Variants in RIMKLB observed in about 807,000 individuals in gnomAD.
The protein encoded by RIMKLB is beta-citrylglutamate synthase B.
In RIMKLB, 7 loss-of-function variants were observed where a neutral mutation model predicts 32.0. The ratio of observed to expected loss-of-function variants is 0.22; its 90% confidence interval spans 0.12 to 0.41. The LOEUF (loss-of-function observed/expected upper bound fraction) is 0.41, where lower values mean the gene tolerates loss of function less well. Ranked by LOEUF, RIMKLB falls within the 10% of genes least tolerant of loss-of-function variation. RIMKLB has a pLI of 1.00. For missense variants in RIMKLB, 289 were observed against 498.7 expected (o/e 0.58, Z 4.00); for synonymous variants, 172 against 185.1 (o/e 0.93, Z 0.57).
intron 2 of RIMKLB, among the ~76,000 whole-genome samples, chr12:8,736,322 A>G (rs1018434387): frequency 2.6e-5 from 4 of 152,182 alleles, no homozygotes; most frequent in Non-Finnish European, 5.9e-5. Flanking sequence ...TCTTTTAAGA[A>G]CTTTTTATTT....
At chr12:8,717,881 G>A (rs1286069987) in intron 2 of RIMKLB, among the ~76,000 whole-genome samples, 2 of 151,924 alleles carry the variant, frequency 1.3e-5, no homozygotes, top group Non-Finnish European at 1.5e-5. Context: ...TATCTTCATC[G>A]GTTAAAAACT....
intron 1 of RIMKLB, among the ~76,000 whole-genome samples, chr12:8,711,522 C>CT (rs11318157): frequency 1.0e-3 from 150 of 148,066 alleles, no homozygotes; most frequent in Admixed American, 2.0e-3. Flanking sequence ...TGATTACAAA[C>CT]TTTTTTTTTT....
At chr12:8,682,430 G>T (rs778497556) in intron 1 of RIMKLB, among the ~76,000 whole-genome samples, 2 of 152,260 alleles carry the variant, frequency 1.3e-5, no homozygotes, top group Admixed American at 6.5e-5. Flanking sequence ...CAGGCACTGC[G>T]TTGAGTACTG....
At chr12:8,685,373 T>G (rs1207577988) in intron 1 of RIMKLB, among the ~76,000 whole-genome samples, 2 of 152,198 alleles carry the variant, frequency 1.3e-5, no homozygotes, top group Admixed American at 1.3e-4. Flanking sequence ...AGAGGTTTCT[T>G]TGTTGTTTTG....
At chr12:8,708,498 T>A (rs1196953343) in intron 1 of RIMKLB, among the ~76,000 whole-genome samples, 1 of 152,222 alleles carries the variant, frequency 6.6e-6, no homozygotes, top group Non-Finnish European at 1.5e-5. Flanking sequence ...TAATGTATTT[T>A]GAGATTTTGA....
Position 8,775,549 on chromosome 12 carries a change from CTTAAACA to C in RIMKLB, c.*1767_*1773del. On this transcript the variant is annotated 3_prime_UTR_variant, in exon 6 of 6. Transcript: ENST00000535829. ...CAGTGCTATTTTCCTTCAGATGGAC[CTTAAACA>C]TAATTTCTTGGACACTACTAGAGAG... 1.0e-6 allele frequency: 1 copy of C among 985,736 alleles called. No individual in the cohort carries two copies. The highest frequency in any genetic ancestry group is 1.2e-6 in the Non-Finnish European group (1 of 829,888). The allele number at this position is 985,736 out of a possible 1,614,324, so 61.1% of individuals were successfully genotyped here. A position where few individuals can be genotyped will look rare whatever the true frequency, so the allele number is the denominator to read the frequency against.
chr12:8,693,370 T>C (rs1002929765), upstream of RIMKLB, among the ~76,000 whole-genome samples: 1 of 151,740 alleles, frequency 6.6e-6, no homozygotes, highest in Non-Finnish European at 1.5e-5. Context: ...TGCTTTGTAC[T>C]GCAATTTGTT....
chr12:8,689,383 A>G (rs2136564063), intron 1 of RIMKLB, among the ~76,000 whole-genome samples: 1 of 152,370 alleles, frequency 6.6e-6, no homozygotes, highest in East Asian at 1.9e-4. Context: ...TGTTGCCAAA[A>G]CATTGTAACT....
chr12:8,769,592 T>A (rs1295246704), intron 5 of RIMKLB, among the ~76,000 whole-genome samples: 1 of 152,180 alleles, frequency 6.6e-6, no homozygotes. Context: ...TCTTTTCTAA[T>A]TTTTGCTGGT....
In RIMKLB at chr12:8,774,653, A is replaced by C. The variant is rs1950623354; in HGVS notation, c.*869A>C. The C allele has an allele frequency of 1.0e-6, 1 of 985,698 alleles. No individual in the cohort carries two copies. Among genetic ancestry groups the C allele is most frequent in the Non-Finnish European group, 1.2e-6 (1 of 829,876 alleles). 61.1% of individuals were successfully genotyped at this position (985,698 alleles called of 1,614,324 possible). On this transcript the variant is annotated 3_prime_UTR_variant, in exon 6 of 6. Coordinates refer to ENST00000535829, the MANE Select transcript of RIMKLB (RefSeq NM_001297776.2). The stretch of plus-strand genomic sequence containing the variant: ...TCTTTAACAATGGCCAAAGTGAAGA[A>C]AATGCTACCTTTTTTGTTAACAAGA...
At position 8,775,958 on chromosome 12, in the gene RIMKLB, A is replaced by G; in HGVS notation, c.*2174A>G. 2 of 983,396 alleles carry G rather than the reference A, an allele frequency of 2.0e-6. No homozygotes were observed. Among genetic ancestry groups the G allele is most frequent in the Non-Finnish European group, 2.4e-6 (2 of 828,052 alleles). The allele number at this position is 983,396 out of a possible 1,614,324, so 60.9% of individuals were successfully genotyped here. On this transcript the variant is annotated 3_prime_UTR_variant, in exon 6 of 6. Coordinates refer to ENST00000535829, the MANE Select transcript of RIMKLB (RefSeq NM_001297776.2). ...GGTACTTCTTTCGCTGAATGACCAT[A>G]CTGTGGAGGATGCATACTATTTGGT...
At chr12:8,729,483 G>C (rs1283592259) in intron 2 of RIMKLB, among the ~76,000 whole-genome samples, 1 of 152,138 alleles carries the variant, frequency 6.6e-6, no homozygotes, top group African/African-American at 2.4e-5. Context: ...CCGACGTCCA[G>C]CTGCTTCTCC....
intron 1 of RIMKLB, among the ~76,000 whole-genome samples, chr12:8,707,804 A>G (rs1209441485): frequency 6.6e-6 from 1 of 152,210 alleles, no homozygotes; most frequent in African/African-American, 2.4e-5. Flanking sequence ...AAGACCAAGT[A>G]TATATTTTGT....
intron 5 of RIMKLB, among the ~76,000 whole-genome samples, chr12:8,766,969 C>T (rs1227645502): frequency 5.9e-5 from 9 of 152,222 alleles, no homozygotes; most frequent in Admixed American, 4.6e-4. Context: ...ATGCAGTTGC[C>T]GCTACCGACT....
intron 3 of RIMKLB, among the ~76,000 whole-genome samples, chr12:8,750,783 A>G (rs762942412): frequency 7.9e-5 from 12 of 152,214 alleles, no homozygotes; most frequent in Non-Finnish European, 1.6e-4. Flanking sequence ...CTATCCAGGC[A>G]TAGGTTACAG....
intron 5 of RIMKLB, among the ~76,000 whole-genome samples, chr12:8,759,979 G>A (rs1300382925): frequency 3.3e-5 from 5 of 152,042 alleles, no homozygotes; most frequent in Admixed American, 2.6e-4. Context: ...AAGTTCTAGG[G>A]TACATGTGCA....
chr12:8,718,663 A>ATGTGTGTG (rs1379997821), intron 2 of RIMKLB, among the ~76,000 whole-genome samples: 127 of 116,110 alleles, frequency 1.1e-3, no homozygotes, highest in Non-Finnish European at 6.8e-4. Flanking sequence ...CTATATATAT[A>ATGTGTGTG]TATATATGTG....
At chr12:8,699,244 G>A (rs74406305) in intron 1 of RIMKLB, among the ~76,000 whole-genome samples, 1 of 152,038 alleles carries the variant, frequency 6.6e-6, no homozygotes, top group African/African-American at 2.4e-5. Flanking sequence ...GAAAGTATAT[G>A]GGCAGCCTAC....
At chr12:8,725,214 G>T (rs756845052) in intron 2 of RIMKLB, among the ~76,000 whole-genome samples, 2 of 152,170 alleles carry the variant, frequency 1.3e-5, no homozygotes, top group Admixed American at 6.5e-5. Flanking sequence ...AAAACTCCAT[G>T]TGTAGACTGT....
Sources: allele counts gnomAD v4.1 joint callset (sites outside exome capture counted in the v4.1 genomes callset), GRCh38; gene constraint gnomAD v4.1.1; transcripts MANE v1.5; gene names NCBI Gene and HGNC (gene_info 2026-07-23, HGNC 2026-07-21).